GRIP1: variants seen among roughly 807,000 people sequenced by gnomAD.
GRIP1 encodes the protein glutamate receptor interacting protein 1, also known as glutamate receptor-interacting protein 1.
In GRIP1, 45 loss-of-function variants were observed where a neutral mutation model predicts 129.9. The ratio of observed to expected loss-of-function variants is 0.35; its 90% CI spans 0.27 to 0.44. The LOEUF (loss-of-function observed/expected upper bound fraction) is 0.44, where lower values mean the gene tolerates loss of function less well. Among genes scored for constraint, GRIP1 ranks in the 20% least tolerant of loss-of-function variants. GRIP1 has a pLI of 1.00. For synonymous variants in GRIP1, 530 were observed against 520.8 expected (o/e 1.02, Z -0.24); for missense variants, 1,196 against 1,396.8 (o/e 0.86, Z 2.29).
At chr12:66,845,104 C>T (rs2039790212) in intron 1 of GRIP1, among the ~76,000 whole-genome samples, 1 of 152,136 alleles carries the variant, frequency 6.6e-6, no homozygotes, top group African/African-American at 2.4e-5. Flanking sequence ...TAGCAAATTT[C>T]ATGTTATGTA....
rs773576262 is a variant in GRIP1 at position 66,515,698 on chromosome 12, C to T, written c.645G>A (p.Thr215=). ...SVDGIRLLGT[T]HAEAMSILKQ... ...TAAGAATACTCATGGCTTCAGCATG[C>T]GTAGTTCCAAGAAGCCGAATTCCAT... The change falls in exon 7 of 25, where the codon ACG becomes ACA. Residue 215 remains threonine (T), a synonymous_variant. Transcript: ENST00000359742. The T allele has an allele frequency of 1.6e-5, 26 of 1,612,822 alleles. No individual in the cohort carries two copies. Among genetic ancestry groups the T allele is most frequent in the Middle Eastern group, 1.6e-4 (1 of 6,072 alleles).
chr12:66,578,434 C>T (rs3970920), intron 2 of GRIP1, among the ~76,000 whole-genome samples: 39,525 of 151,596 alleles, frequency 0.26, 5,294 homozygotes, highest in Admixed American at 0.28. Context: ...GCACCGTGCG[C>T]GAGCCAAAGC....
At chr12:66,527,676 A>G (rs909364029) in intron 5 of GRIP1, among the ~76,000 whole-genome samples, 17 of 152,110 alleles carry the variant, frequency 1.1e-4, no homozygotes, top group Non-Finnish European at 2.4e-4. Context: ...AAGTATAATA[A>G]TAACAAAATT....
At chr12:66,668,529 A>T (rs766515689) in intron 1 of GRIP1, among the ~76,000 whole-genome samples, 16 of 152,186 alleles carry the variant, frequency 1.1e-4, no homozygotes, top group Non-Finnish European at 1.9e-4. Context: ...AGCCTTGAGC[A>T]GGCTTTGGGA....
chr12:66,753,302 A>G (rs2037186379), intron 1 of GRIP1, among the ~76,000 whole-genome samples: 1 of 150,848 alleles, frequency 6.6e-6, no homozygotes, highest in South Asian at 2.1e-4. Flanking sequence ...ACGTATATGA[A>G]TCATAGAAAA....
intron 19 of GRIP1, among the ~76,000 whole-genome samples, chr12:66,383,299 AAACAACAACAAC>A (rs59263648): frequency 0.016 from 2,273 of 141,402 alleles, 63 homozygotes; most frequent in African/African-American, 0.056. Context: ...TCTGTCTCAA[AAACAACAACAAC>A]AACAACAACA....
At chr12:66,398,916 G>A (rs2056888254) in intron 16 of GRIP1, among the ~76,000 whole-genome samples, 1 of 151,910 alleles carries the variant, frequency 6.6e-6, no homozygotes, top group African/African-American at 2.4e-5. Context: ...AGAATACCTT[G>A]AAAACAGAGA....
intron 1 of GRIP1, among the ~76,000 whole-genome samples, chr12:66,724,269 G>A (rs1028706360): frequency 6.6e-6 from 1 of 152,140 alleles, no homozygotes; most frequent in African/African-American, 2.4e-5. Flanking sequence ...CTACCTCTGA[G>A]ATACTTTCAT....
intron 1 of GRIP1, among the ~76,000 whole-genome samples, chr12:66,918,704 G>C (rs1459746814): frequency 6.6e-6 from 1 of 152,036 alleles, no homozygotes; most frequent in Non-Finnish European, 1.5e-5. Flanking sequence ...AGAGCTCCCT[G>C]TTATTTATGT....
chr12:66,937,053 G>A (rs1592366232), intron 1 of GRIP1, among the ~76,000 whole-genome samples: 2 of 152,064 alleles, frequency 1.3e-5, no homozygotes, highest in East Asian at 1.9e-4. Context: ...TTCTCTGGAC[G>A]ATTTTTCTCT....
At chr12:66,734,157 CA>C (rs370563511) in intron 1 of GRIP1, among the ~76,000 whole-genome samples, 320 of 152,298 alleles carry the variant, frequency 2.1e-3, no homozygotes, top group African/African-American at 7.3e-3. Flanking sequence ...ATTTTAATTA[CA>C]GCAGCATCCT....
intron 1 of GRIP1, among the ~76,000 whole-genome samples, chr12:66,978,926 C>G (rs185993563): frequency 6.6e-6 from 1 of 151,840 alleles, no homozygotes; most frequent in Non-Finnish European, 1.5e-5. Flanking sequence ...AGACAAATGG[C>G]AAAGTGGTAG....
At chr12:66,936,960 G>A (rs1279772195) in intron 1 of GRIP1, among the ~76,000 whole-genome samples, 1 of 152,150 alleles carries the variant, frequency 6.6e-6, no homozygotes, top group African/African-American at 2.4e-5. Context: ...GAGTGGGGCT[G>A]GACTTGGTGG....
chr12:66,735,568 C>G (rs1168558854), intron 1 of GRIP1, among the ~76,000 whole-genome samples: 1 of 151,552 alleles, frequency 6.6e-6, no homozygotes, highest in East Asian at 1.9e-4. Context: ...AAGGGAAAAT[C>G]TGATTAAACT....
chr12:66,999,141 TGTC>T (rs1465430248), intron 1 of GRIP1, among the ~76,000 whole-genome samples: 2 of 152,198 alleles, frequency 1.3e-5, no homozygotes, highest in East Asian at 1.9e-4. Context: ...AGATCTGGTC[TGTC>T]TTGTTCATAC....
chr12:66,636,041 T>C (rs756910725), intron 1 of GRIP1, among the ~76,000 whole-genome samples: 26 of 152,268 alleles, frequency 1.7e-4, no homozygotes, highest in Non-Finnish European at 3.4e-4. Context: ...AAACAAAATA[T>C]TCTGTTTACA....
intron 1 of GRIP1, among the ~76,000 whole-genome samples, chr12:66,908,747 T>A (rs1183292485): frequency 1.3e-5 from 2 of 152,214 alleles, no homozygotes; most frequent in African/African-American, 4.8e-5. Context: ...TCTTCAGGGA[T>A]ACTGTTTTGA....
In GRIP1 at chr12:66,749,256, A is replaced by T. The variant is rs996702273; in HGVS notation, c.-420+54797T>A. 9.1e-4 allele frequency among the ~76,000 whole-genome samples: 138 copies of T among 152,322 alleles called. 1 individual carries two copies. Among genetic ancestry groups the T allele is most frequent in the African/African-American group, 3.2e-3 (133 of 41,578 alleles). The stretch of plus-strand genomic sequence containing the variant: ...AATTCCAAGGACAACATCTAACACC[A>T]ACTGGGCATAAAGGAAATGTTGAAT... On this transcript the variant is annotated intron_variant, in intron 1 of 4. Coordinates refer to the GRIP1 transcript ENST00000538373.
intron 14 of GRIP1, among the ~76,000 whole-genome samples, chr12:66,425,736 A>T (rs1003273300): frequency 1.4e-4 from 21 of 147,562 alleles, no homozygotes; most frequent in African/African-American, 4.7e-4. Flanking sequence ...AAAACCAAAC[A>T]CCGCATATTC....
Sources: gnomAD v4.1 joint callset for allele counts (sites outside exome capture counted in the v4.1 genomes callset) on GRCh38, gnomAD v4.1.1 for gene constraint, MANE v1.5 for transcripts, NCBI Gene and HGNC (gene_info 2026-07-23, HGNC 2026-07-21) for gene names.